KCNAB1: variants seen among roughly 807,000 people sequenced by gnomAD.
The protein encoded by KCNAB1 is potassium voltage-gated channel subfamily A regulatory beta subunit 1.
KCNAB1 carries 35 observed loss-of-function variants against 64.6 expected under a neutral mutation model. The ratio of observed to expected loss-of-function variants is 0.54; its 90% confidence interval spans 0.41 to 0.72. KCNAB1 has a LOEUF of 0.72. KCNAB1 is among the 30% of genes least tolerant of loss of function. The pLI is 0.00. For missense variants in KCNAB1, 401 were observed against 512.9 expected (o/e 0.78, Z 2.11); for synonymous variants, 177 against 183.8 (o/e 0.96, Z 0.30).
chr3:156,326,864 A>G (rs1722994386), intron 1 of KCNAB1, among the ~76,000 whole-genome samples: 1 of 152,082 alleles, frequency 6.6e-6, no homozygotes, highest in Admixed American at 6.6e-5. Flanking sequence ...TATAGCGTTG[A>G]CCACTACTTG....
chr3:156,439,000 C>G (rs550812177), intron 2 of KCNAB1, among the ~76,000 whole-genome samples: 1 of 146,224 alleles, frequency 6.8e-6, no homozygotes, highest in African/African-American at 2.6e-5. Flanking sequence ...GGTGACAGAG[C>G]AAGACTCTAT....
chr3:156,515,993 A>G (rs1430702732), intron 10 of KCNAB1, among the ~76,000 whole-genome samples: 1 of 130,396 alleles, frequency 7.7e-6, no homozygotes, highest in East Asian at 2.0e-4. Flanking sequence ...ATGGACAAGG[A>G]CAACAAAACT....
intron 13 of KCNAB1, among the ~76,000 whole-genome samples, chr3:156,534,580 AC>A (rs1718927232): frequency 6.6e-6 from 1 of 152,198 alleles, no homozygotes. Flanking sequence ...GCCGCTCTCA[AC>A]CACTCAGAGC....
chr3:156,221,341 G>A (rs1715718058), intron 1 of KCNAB1, among the ~76,000 whole-genome samples: 1 of 152,068 alleles, frequency 6.6e-6, no homozygotes, highest in African/African-American at 2.4e-5. Flanking sequence ...GATATTGAAG[G>A]AAAGAATCTT....
At chr3:156,474,198 C>T (rs1368929165) in intron 7 of KCNAB1, among the ~76,000 whole-genome samples, 5 of 152,078 alleles carry the variant, frequency 3.3e-5, no homozygotes, top group African/African-American at 1.2e-4. Context: ...AAATGTTGAG[C>T]AAAGGCTTCA....
At chr3:156,237,319 A>G (rs1716907929) in intron 1 of KCNAB1, among the ~76,000 whole-genome samples, 1 of 152,168 alleles carries the variant, frequency 6.6e-6, no homozygotes, top group South Asian at 2.1e-4. Context: ...TTGAATGTGT[A>G]TTTTATTTTT....
At chr3:156,458,643 A>C (rs1712642103) in intron 4 of KCNAB1, among the ~76,000 whole-genome samples, 1 of 152,182 alleles carries the variant, frequency 6.6e-6, no homozygotes, top group Non-Finnish European at 1.5e-5. Context: ...GTTGAATCCA[A>C]GGAGAGAAAG....
chr3:156,211,942 G>A (rs765680894), intron 1 of KCNAB1, among the ~76,000 whole-genome samples: 5 of 152,186 alleles, frequency 3.3e-5, no homozygotes, highest in African/African-American at 7.2e-5. Context: ...AGTCAAAACC[G>A]GAAGGGAAAC....
intron 1 of KCNAB1, among the ~76,000 whole-genome samples, chr3:156,199,180 G>C (rs1254927130): frequency 6.6e-6 from 1 of 152,124 alleles, no homozygotes; most frequent in African/African-American, 2.4e-5. Context: ...CTTCTGCAGA[G>C]ATATCTGCTA....
chr3:156,306,551 G>A (rs927354722), intron 1 of KCNAB1, among the ~76,000 whole-genome samples: 1 of 152,228 alleles, frequency 6.6e-6, no homozygotes, highest in Non-Finnish European at 1.5e-5. Flanking sequence ...GTCCTTATTT[G>A]CAGAAAGTGT....
intron 1 of KCNAB1, among the ~76,000 whole-genome samples, chr3:156,337,363 A>T (rs1488259310): frequency 6.6e-6 from 1 of 151,990 alleles, no homozygotes; most frequent in Non-Finnish European, 1.5e-5. Context: ...TAATGGTTTG[A>T]CTTGTTTCAT....
chr3:156,365,986 C>G (rs60349160), intron 1 of KCNAB1, among the ~76,000 whole-genome samples: 2,112 of 152,254 alleles, frequency 0.014, 46 homozygotes, highest in African/African-American at 0.048. Context: ...GGAAAATGTT[C>G]TTCTCCTCAG....
chr3:156,356,614 A>G (rs1454537025), intron 1 of KCNAB1, among the ~76,000 whole-genome samples: 1 of 152,166 alleles, frequency 6.6e-6, no homozygotes, highest in Non-Finnish European at 1.5e-5. Flanking sequence ...CAACTTTTGA[A>G]GCTCCCTTTC....
At chr3:156,154,566 G>C (rs1577648016) in intron 1 of KCNAB1, among the ~76,000 whole-genome samples, 1 of 152,114 alleles carries the variant, frequency 6.6e-6, no homozygotes, top group African/African-American at 2.4e-5. Context: ...ATGAGTGTGG[G>C]TTCTGGTTAG....
At chr3:156,388,581 C>T (rs1712792763) in intron 1 of KCNAB1, among the ~76,000 whole-genome samples, 1 of 152,210 alleles carries the variant, frequency 6.6e-6, no homozygotes, top group South Asian at 2.1e-4. Flanking sequence ...CCCTGTGATA[C>T]AAGTGTGAGT....
At chr3:156,291,700 C>G (rs1209431405) in intron 1 of KCNAB1, 5 of 1,421,452 alleles carry the variant, frequency 3.5e-6, no homozygotes, top group Non-Finnish European at 3.7e-6. Flanking sequence ...TCTGGGTCCC[C>G]GGGGACTCTT....
At chr3:156,359,027 A>G (rs1228189481) in intron 1 of KCNAB1, among the ~76,000 whole-genome samples, 1 of 152,238 alleles carries the variant, frequency 6.6e-6, no homozygotes, top group East Asian at 1.9e-4. Context: ...GGCAAAAAGC[A>G]TTTATTTTTA....
chr3:156,512,836 G>C (rs563463525), intron 8 of KCNAB1, among the ~76,000 whole-genome samples: 12 of 152,294 alleles, frequency 7.9e-5, no homozygotes, highest in African/African-American at 2.2e-4. Flanking sequence ...TTGCTTATAA[G>C]CCAGCTTTTA....
At chr3:156,308,772 A>G (rs1721682433) in intron 1 of KCNAB1, among the ~76,000 whole-genome samples, 1 of 152,224 alleles carries the variant, frequency 6.6e-6, no homozygotes, top group South Asian at 2.1e-4. Flanking sequence ...GCATTCTGGC[A>G]CTTTAGTTTT....
Sources: allele counts gnomAD v4.1 joint callset (sites outside exome capture counted in the v4.1 genomes callset), GRCh38; gene constraint gnomAD v4.1.1; transcripts MANE v1.5; gene names NCBI Gene and HGNC (gene_info 2026-07-23, HGNC 2026-07-21).